Variants in SUSD6 observed in about 807,000 individuals in gnomAD.
SUSD6 encodes the protein sushi domain-containing protein 6.
SUSD6 carries 16 observed loss-of-function variants against 28.4 expected under a neutral mutation model. The ratio of observed to expected loss-of-function variants is 0.56; its 90% confidence interval spans 0.38 to 0.86. The LOEUF (loss-of-function observed/expected upper bound fraction) is 0.86, where lower values mean the gene tolerates loss of function less well. Among genes scored for constraint, SUSD6 ranks in the 40% least tolerant of loss-of-function variants. The probability of loss-of-function intolerance (pLI) is 0.00; values close to 1 mark genes in which losing one functional copy is unlikely to be tolerated. For synonymous variants in SUSD6, 147 were observed against 159.6 expected, an observed-to-expected ratio of 0.92 and a Z score of 0.59; for missense variants, 341 against 384.2, an observed-to-expected ratio of 0.89 and a Z score of 0.94.
chr14:69,671,578 T>C (rs1885833073), intron 2 of SUSD6, among the ~76,000 whole-genome samples: 1 of 152,166 alleles, frequency 6.6e-6, no homozygotes, highest in South Asian at 2.1e-4. Flanking sequence ...ATGGGGAGGC[T>C]GGAGGGTGTC....
intron 1 of SUSD6, among the ~76,000 whole-genome samples, chr14:69,646,475 A>T (rs535069580): frequency 6.6e-6 from 1 of 152,156 alleles, no homozygotes; most frequent in Non-Finnish European, 1.5e-5. Context: ...TCCCAAGCTC[A>T]GAGTGCTCTA....
chr14:69,643,044 G>T (rs991372676), intron 1 of SUSD6, among the ~76,000 whole-genome samples: 2 of 152,122 alleles, frequency 1.3e-5, no homozygotes, highest in Non-Finnish European at 2.9e-5. Flanking sequence ...CTACCCTATG[G>T]TCTGGAAACT....
intron 2 of SUSD6, among the ~76,000 whole-genome samples, chr14:69,689,927 A>G (rs562738713): frequency 1.5e-4 from 23 of 152,334 alleles, no homozygotes; most frequent in African/African-American, 5.3e-4. Flanking sequence ...TGGTCTCCCA[A>G]AGTGCTGGGA....
chr14:69,639,309 G>A (rs147389974), intron 1 of SUSD6, among the ~76,000 whole-genome samples: 1,188 of 58,694 alleles, frequency 0.02, 14 homozygotes, highest in African/African-American at 0.066. Context: ...GCGAGACTCC[G>A]TCTCAAAAAA....
At chr14:69,670,514 G>A (rs1331795042) in intron 2 of SUSD6, 1 of 456,758 alleles carries the variant, frequency 2.2e-6, no homozygotes, top group South Asian at 1.5e-5. Context: ...AAAGGCAAGT[G>A]AGTTAACGAG....
chr14:69,667,629 C>T (rs563139940), intron 2 of SUSD6, among the ~76,000 whole-genome samples: 91 of 151,862 alleles, frequency 6.0e-4, no homozygotes, highest in Admixed American at 2.3e-3. Context: ...GTGATCCGCC[C>T]GCCTCAGCCT....
intron 2 of SUSD6, among the ~76,000 whole-genome samples, chr14:69,693,488 C>A (rs371954116): frequency 6.6e-6 from 1 of 152,168 alleles, no homozygotes; most frequent in Non-Finnish European, 1.5e-5. Context: ...ACAACACCCC[C>A]CAAAGTGCTT....
chr14:69,708,677 G>T lies in SUSD6; in HGVS notation c.459G>T (p.Arg153Ser). The T allele has an allele frequency of 1.3e-6, 2 of 1,559,242 alleles. No individual in the cohort carries two copies. The highest frequency in any genetic ancestry group is 1.7e-6 in the Non-Finnish European group (2 of 1,150,978). Reference sequence around the variant, plus strand: ...TTTGTCTTTTCCTCCTCCACTCCAGGCGTGACCAGGGGGTATCTGGGGACC... The same window carrying T: ...TTTGTCTTTTCCTCCTCCACTCCAGTCGTGACCAGGGGGTATCTGGGGACC... ...QPKLKSFHHSRRDQGVSGDQV... is the reference protein window; with the variant it reads ...QPKLKSFHHSSRDQGVSGDQV... The change falls in exon 5 of 6, where the codon AGG (arginine) becomes AGT (serine). Residue 153 changes from arginine (R) to serine (S), a missense_variant and splice_region_variant. Physicochemically the swap from Arg to Ser is moderately radical, Grantham distance 110 (BLOSUM62 -1). Transcript: ENST00000342745.
intron 1 of SUSD6, among the ~76,000 whole-genome samples, chr14:69,629,931 T>C (rs940748046): frequency 6.6e-6 from 1 of 152,222 alleles, no homozygotes; most frequent in Admixed American, 6.5e-5. Context: ...TCATAGGAAG[T>C]GTCCATAAAC....
At chr14:69,663,481 C>T (rs1336837585) in intron 2 of SUSD6, among the ~76,000 whole-genome samples, 1 of 152,186 alleles carries the variant, frequency 6.6e-6, no homozygotes, top group Non-Finnish European at 1.5e-5. Flanking sequence ...GAGATGTTGG[C>T]AGGTGGCCCT....
rs1884874895 is a variant in SUSD6 at position 69,611,673 on chromosome 14, C to T, written c.-236C>T. On this transcript the variant is annotated 5_prime_UTR_variant, in exon 1 of 6. Coordinates refer to ENST00000342745, the MANE Select transcript of SUSD6 (RefSeq NM_014734.4). ...CGGCGACCGCCCCACCTCCTCCCTC[C>T]CTCCCGCCCGCTTCCTCTGCCCACA... The T allele has an allele frequency of 6.6e-6, 1 of 151,814 alleles. No individual in the cohort carries two copies. Among genetic ancestry groups the T allele is most frequent in the South Asian group, 2.1e-4 (1 of 4,840 alleles). 9.4% of individuals were successfully genotyped at this position (151,814 alleles called of 1,614,324 possible).
At chr14:69,619,077 A>G in intron 1 of SUSD6, among the ~76,000 whole-genome samples, 1 of 152,196 alleles carries the variant, frequency 6.6e-6, no homozygotes, top group Non-Finnish European at 1.5e-5. Flanking sequence ...AGAGCCCCTG[A>G]TTCCTAGTCT....
intron 2 of SUSD6, among the ~76,000 whole-genome samples, chr14:69,662,653 T>G (rs1259792542): frequency 6.6e-6 from 1 of 152,204 alleles, no homozygotes; most frequent in Non-Finnish European, 1.5e-5. Flanking sequence ...AAATAAAATC[T>G]ATGCACATGC....
At chr14:69,691,591 T>A (rs371299423) in intron 2 of SUSD6, among the ~76,000 whole-genome samples, 1 of 152,030 alleles carries the variant, frequency 6.6e-6, no homozygotes, top group African/African-American at 2.4e-5. Flanking sequence ...TGTTTGGGAG[T>A]ATGTGGCAGA....
chr14:69,687,901 A>G (rs1477762460), intron 2 of SUSD6, among the ~76,000 whole-genome samples: 1 of 150,982 alleles, frequency 6.6e-6, no homozygotes, highest in Admixed American at 6.6e-5. Context: ...TTCCCTTTTC[A>G]ACTTTGGTGG....
In SUSD6 at chr14:69,712,102, A is replaced by G. The variant is rs1006596533; in HGVS notation, c.*1123A>G. 4 of 152,324 alleles carry G rather than the reference A, an allele frequency of 2.6e-5. No individual in the cohort carries two copies. The highest frequency in any genetic ancestry group is 9.6e-5 in the African/African-American group (4 of 41,452). The allele number at this position is 152,324 out of a possible 1,614,324, so 9.4% of individuals were successfully genotyped here. On this transcript the variant is annotated 3_prime_UTR_variant, in exon 6 of 6. Coordinates refer to ENST00000342745, the MANE Select transcript of SUSD6 (RefSeq NM_014734.4). ...CCCGGTCCTGAGGATCCTCCTCACCATGGTCACGTGCCTTAGTAACTGTGC... is the reference window on the plus strand; with the variant it reads ...CCCGGTCCTGAGGATCCTCCTCACCGTGGTCACGTGCCTTAGTAACTGTGC...
At chr14:69,698,756 C>T (rs1378238023) in intron 2 of SUSD6, among the ~76,000 whole-genome samples, 4 of 152,190 alleles carry the variant, frequency 2.6e-5, no homozygotes, top group African/African-American at 9.7e-5. Flanking sequence ...CCAGGGTGGA[C>T]TTTGACTGAA....
At chr14:69,618,430 C>G (rs139510444) in intron 1 of SUSD6, among the ~76,000 whole-genome samples, 1 of 152,238 alleles carries the variant, frequency 6.6e-6, no homozygotes, top group Non-Finnish European at 1.5e-5. Context: ...AACAGCTAGT[C>G]TTGCTTTCAA....
Position 69,712,503 on chromosome 14 carries a change from A to G in SUSD6, c.*1524A>G, listed in dbSNP as rs1158651985. ...ATTTTCTGAAGCACTGTGGCTGGGA[A>G]ACTTCGAAGCGGACCCTGTGCTGCA... On this transcript the variant is annotated 3_prime_UTR_variant, in exon 6 of 6. Transcript: ENST00000342745. 6.6e-6 allele frequency: 1 copy of G among 152,240 alleles called. No homozygotes were observed. The highest frequency in any genetic ancestry group is 2.4e-5 in the African/African-American group (1 of 41,430). 9.4% of individuals were successfully genotyped at this position (152,240 alleles called of 1,614,324 possible).
Sources: allele counts gnomAD v4.1 joint callset (sites outside exome capture counted in the v4.1 genomes callset), GRCh38; gene constraint gnomAD v4.1.1; transcripts MANE v1.5; gene names NCBI Gene and HGNC (gene_info 2026-07-23, HGNC 2026-07-21).